Variants in OTOF observed in about 807,000 individuals in gnomAD.
OTOF encodes the protein fer-1-like family member 2.
In OTOF, 218 loss-of-function variants were observed where a neutral mutation model predicts 236.8. That is an observed-to-expected ratio of 0.92 (90% CI 0.82 to 1.03). The LOEUF is 1.03. OTOF is among the 50% of genes least tolerant of loss of function. OTOF has a pLI of 0.00. For synonymous variants in OTOF, 1,041 were observed against 1,072.5 expected (o/e 0.97, Z 0.57); for missense variants, 2,590 against 2,694.4 (o/e 0.96, Z 0.86).
chr2:26,489,286 A>G lies in OTOF; in HGVS notation c.970T>C (p.Ser324Pro), dbSNP rs1665777744. The change falls in exon 11 of 47, where the codon TCC (serine) becomes CCC (proline). Residue 324 changes from serine (S) to proline (P), a missense_variant. Transcript: ENST00000272371. ...DKIIKISVIH[S>P]KNLLRSGTLV... The stretch of plus-strand genomic sequence containing the variant: ...GTGCCACTGCGCAGCAGGTTCTTGG[A>G]GTGAATCACCTTTCAGGCAGAACCA... The G allele has an allele frequency of 6.2e-7, 1 of 1,612,106 alleles. No individual in the cohort carries two copies. Among genetic ancestry groups the G allele is most frequent in the African/African-American group, 1.3e-5 (1 of 74,906 alleles).
At position 26,466,698 on chromosome 2, in the gene OTOF, G is replaced by A; in HGVS notation, c.4500+16C>T. The A allele has an allele frequency of 6.2e-7, 1 of 1,614,128 alleles. No individual in the cohort carries two copies. Among genetic ancestry groups the A allele is most frequent in the Non-Finnish European group, 8.5e-7 (1 of 1,179,972 alleles). ...ATGAGGAGACTTGCAAGGAGGGAAA[G>A]CGACGGGAGTCTCACCCGGACCACA... On this transcript the variant is annotated intron_variant, in intron 36 of 46. Coordinates refer to ENST00000272371, the MANE Select transcript of OTOF (RefSeq NM_194248.3).
chr2:26,546,899 T>G (rs1667346731), intron 1 of OTOF, among the ~76,000 whole-genome samples: 1 of 152,198 alleles, frequency 6.6e-6, no homozygotes, highest in South Asian at 2.1e-4. Context: ...AGTAGCTTTT[T>G]AATAGATTCC....
intron 10 of OTOF, 65 bp downstream of exon 10, chr2:26,489,613 C>G: frequency 7.1e-7 from 1 of 1,401,098 alleles, no homozygotes; most frequent in Non-Finnish European, 1.0e-6. Flanking sequence ...GGGCCCCTCT[C>G]AAGTCTGCAC....
At chr2:26,469,981 C>T (rs1420143715) in intron 32 of OTOF, among the ~76,000 whole-genome samples, 1 of 152,178 alleles carries the variant, frequency 6.6e-6, no homozygotes, top group Non-Finnish European at 1.5e-5. Context: ...GAGAAATGCG[C>T]TTTCTGGAAC....
intron 23 of OTOF, 31 bp from the exon 24 acceptor site, chr2:26,476,069 A>T (rs1296961087): frequency 6.2e-7 from 1 of 1,612,134 alleles, no homozygotes; most frequent in South Asian, 1.1e-5. Flanking sequence ...AGGTTCCAGG[A>T]TGGGCAGCCC....
At chr2:26,547,113 T>A (rs1667351263) in intron 1 of OTOF, among the ~76,000 whole-genome samples, 1 of 152,200 alleles carries the variant, frequency 6.6e-6, no homozygotes, top group African/African-American at 2.4e-5. Flanking sequence ...AAGTATAATG[T>A]TAGCTGGATG....
At chr2:26,506,573 C>T (rs1005949522) in intron 5 of OTOF, among the ~76,000 whole-genome samples, 2 of 152,228 alleles carry the variant, frequency 1.3e-5, no homozygotes, top group Non-Finnish European at 2.9e-5. Flanking sequence ...CTTTCAGAGG[C>T]TGGTCCCATG....
At chr2:26,490,837 C>T (rs1665823101) in intron 9 of OTOF, among the ~76,000 whole-genome samples, 1 of 152,120 alleles carries the variant, frequency 6.6e-6, no homozygotes, top group South Asian at 2.1e-4. Context: ...AATGAGACAC[C>T]CTGGTCAAGT....
chr2:26,527,011 A>G (rs1163989082), intron 3 of OTOF, among the ~76,000 whole-genome samples: 1 of 152,150 alleles, frequency 6.6e-6, no homozygotes, highest in Non-Finnish European at 1.5e-5. Context: ...CCAAGATATT[A>G]CTTAGCCACT....
In OTOF at chr2:26,526,900, A is replaced by C. The variant is rs142647880; in HGVS notation, c.227+932T>G. 1.5e-3 allele frequency among the ~76,000 whole-genome samples: 229 copies of C among 152,260 alleles called. 1 individual carries two copies. The highest frequency in any genetic ancestry group is 6.8e-3 in the Middle Eastern group (2 of 294). On this transcript the variant is annotated intron_variant, in intron 3 of 46. Transcript: ENST00000272371. ...GAGATGGGATCTCACTATGTTGCCC[A>C]GGCTAGCCTCAAATTACTGGGATCA... is the stretch of plus-strand genomic sequence containing the variant.
intron 13 of OTOF, among the ~76,000 whole-genome samples, chr2:26,483,064 T>C (rs1360041967): frequency 6.8e-6 from 1 of 148,012 alleles, no homozygotes; most frequent in South Asian, 2.2e-4. Context: ...TGTGAGTGGG[T>C]GTGTGTGCGT....
chr2:26,480,883 A>AGC lies in OTOF; in HGVS notation c.1704_1705dup (p.Leu569ArgfsTer11), dbSNP rs1665521178. Reference sequence around the variant, plus strand: ...GATCTCCACAGCCAGGCCCAGCAGGAGCCGGGCCCGGAAGGACACACCCTC... The same window carrying AGC: ...GATCTCCACAGCCAGGCCCAGCAGGAGCGCCGGGCCCGGAAGGACACACCCTC... On this transcript the variant is annotated frameshift_variant, in exon 15 of 47. Transcript: ENST00000272371. LOFTEE classifies it high-confidence loss of function. 19 of 1,612,826 alleles carry AGC rather than the reference A, an allele frequency of 1.2e-5. No individual in the cohort carries two copies. Among genetic ancestry groups the AGC allele is most frequent in the Non-Finnish European group, 1.6e-5 (19 of 1,179,900 alleles).
rs752498211 is a variant in OTOF, at chr2:26,461,970, G to A, written c.5292-33C>T. On this transcript the variant is annotated intron_variant, in intron 42 of 46. Coordinates refer to ENST00000272371, the MANE Select transcript of OTOF (RefSeq NM_194248.3). This position sits in a 1 kb window ranked among gnomAD's most constrained non-coding sequence, Gnocchi z 6.2. ...CGCCACATCTCCAGACCCGCAGCCA[G>A]GCTGGTGGGGCCTCTCCCACCCACA... 5 of 1,613,620 alleles carry A rather than the reference G, an allele frequency of 3.1e-6. No individual in the cohort carries two copies.
intron 1 of OTOF, among the ~76,000 whole-genome samples, chr2:26,553,808 T>C (rs1415980074): frequency 6.6e-6 from 1 of 152,184 alleles, no homozygotes; most frequent in Admixed American, 6.5e-5. Context: ...TGTCTTCCCC[T>C]AACTGACTCT....
intron 1 of OTOF, among the ~76,000 whole-genome samples, chr2:26,552,393 C>A (rs1667483832): frequency 6.6e-6 from 1 of 152,058 alleles, no homozygotes; most frequent in African/African-American, 2.4e-5. Context: ...AAAAATGAGA[C>A]CCAGGGATGG....
chr2:26,464,495 A>C (rs967007470), intron 39 of OTOF, among the ~76,000 whole-genome samples: 2 of 152,138 alleles, frequency 1.3e-5, no homozygotes, highest in Non-Finnish European at 2.9e-5. Flanking sequence ...AGGAGAGTTT[A>C]AGGATTAGAG....
chr2:26,479,151 G>T, intron 18 of OTOF, 113 bp downstream of exon 18: 1 of 1,381,986 alleles, frequency 7.2e-7, no homozygotes, highest in Non-Finnish European at 1.0e-6. Flanking sequence ...TCCTGCTGGG[G>T]CCGTTCCTGC....
rs1224611576 is a variant in OTOF at position 26,502,294 on chromosome 2, A to G, written c.710+6T>C. The G allele has an allele frequency of 2.5e-6, 4 of 1,613,834 alleles. No individual in the cohort carries two copies. In the African/African-American group the frequency reaches 4.0e-5, roughly 16 times the overall value. On this transcript the variant is annotated splice_donor_region_variant and intron_variant, in intron 7 of 46. Coordinates refer to ENST00000272371, the MANE Select transcript of OTOF (RefSeq NM_194248.3). ...AGCTGGGGTTGCAGGGCTCCCGTCC[A>G]CTCACCGCTTGTTGGAGACATTAGT...
chr2:26,535,702 C>T (rs891533230), intron 2 of OTOF, among the ~76,000 whole-genome samples: 2 of 152,160 alleles, frequency 1.3e-5, no homozygotes, highest in African/African-American at 4.8e-5. Flanking sequence ...CCATACAAAT[C>T]ATCATGGGGT....
Sources: gnomAD v4.1 joint callset for allele counts (sites outside exome capture counted in the v4.1 genomes callset) on GRCh38, gnomAD v4.1.1 for gene constraint, Gnocchi (gnomAD v3.1) non-coding constraint, MANE v1.5 for transcripts, NCBI Gene and HGNC (gene_info 2026-07-23, HGNC 2026-07-21) for gene names.